RRM2: variants seen among roughly 807,000 people sequenced by gnomAD.
RRM2 encodes ribonucleotide reductase regulatory subunit M2, also known as ribonucleoside-diphosphate reductase subunit M2.
RRM2 carries 6 observed loss-of-function variants against 45.9 expected under a neutral mutation model. The ratio of observed to expected loss-of-function variants is 0.13; its 90% confidence interval spans 0.07 to 0.26. RRM2 has a LOEUF of 0.26. Among genes scored for constraint, RRM2 ranks in the 10% least tolerant of loss-of-function variants. The probability of loss-of-function intolerance (pLI) is 1.00; values close to 1 mark genes in which losing one functional copy is unlikely to be tolerated. For missense variants in RRM2, 343 were observed against 489.5 expected (o/e 0.70, Z 2.82); for synonymous variants, 177 against 173.0 (o/e 1.02, Z -0.18).
chr2:10,199,833 C>T (rs1356504665), intron 3 of RRM2, among the ~76,000 whole-genome samples: 1 of 139,090 alleles, frequency 7.2e-6, no homozygotes, highest in East Asian at 2.3e-4. Flanking sequence ...GACTAGTTTG[C>T]TTTGCCAGAT....
At chr2:10,181,650 G>T (rs1197674374) in intron 3 of RRM2, among the ~76,000 whole-genome samples, 1 of 150,606 alleles carries the variant, frequency 6.6e-6, no homozygotes, top group African/African-American at 2.4e-5. Context: ...AGTTTTGATT[G>T]TAGGAGTTTA....
chr2:10,207,304 G>T (rs987909560), intron 3 of RRM2, among the ~76,000 whole-genome samples: 2 of 152,042 alleles, frequency 1.3e-5, no homozygotes, highest in African/African-American at 4.8e-5. Flanking sequence ...AGCTGCCACT[G>T]CATTTTGCTC....
intron 3 of RRM2, among the ~76,000 whole-genome samples, chr2:10,144,832 A>G (rs964878193): frequency 1.3e-5 from 2 of 152,212 alleles, no homozygotes; most frequent in Non-Finnish European, 2.9e-5. Context: ...CAAGGAGCTC[A>G]GCCAGCCCCT....
intron 3 of RRM2, among the ~76,000 whole-genome samples, chr2:10,161,375 G>A (rs1572509282): frequency 6.6e-6 from 1 of 152,236 alleles, no homozygotes; most frequent in East Asian, 1.9e-4. Context: ...TTCTTTATTA[G>A]CACAGGTCCA....
chr2:10,167,599 T>G (rs539063234), intron 3 of RRM2, among the ~76,000 whole-genome samples: 11 of 152,294 alleles, frequency 7.2e-5, no homozygotes. Context: ...GGGAAGGTCC[T>G]CTGTCCCTTG....
chr2:10,196,710 C>T (rs1199370128), intron 3 of RRM2, among the ~76,000 whole-genome samples: 1 of 152,236 alleles, frequency 6.6e-6, no homozygotes, highest in Non-Finnish European at 1.5e-5. Flanking sequence ...AGTGACCGCA[C>T]AGGGCGATGG....
At chr2:10,202,967 CT>C (rs1664594857) in intron 3 of RRM2, among the ~76,000 whole-genome samples, 1 of 152,216 alleles carries the variant, frequency 6.6e-6, no homozygotes, top group Admixed American at 6.5e-5. Flanking sequence ...TCCACCTCCT[CT>C]TTTTCTAAGC....
chr2:10,143,912 C>T (rs543541432), intron 3 of RRM2, among the ~76,000 whole-genome samples: 138 of 152,266 alleles, frequency 9.1e-4, no homozygotes, highest in African/African-American at 2.7e-3. Context: ...GTGATCCGCC[C>T]GCCTTGGCCT....
chr2:10,198,741 G>A (rs974559214), intron 3 of RRM2: 13 of 152,178 alleles, frequency 8.5e-5, no homozygotes, highest in Non-Finnish European at 1.3e-4. Flanking sequence ...GCCGATTGCT[G>A]TCAGGAGCAC....
rs974276748 is a variant in RRM2 at position 10,127,932 on chromosome 2, C to T, written c.798+712C>T. ...CTGTAATCCCAGCACTTTGGTAGGC[C>T]GAGGCGGGTGGATCATGAGGTCAGG... On this transcript the variant is annotated intron_variant, in intron 7 of 9. Transcript: ENST00000304567. The surrounding 1 kb of genome is among the most constrained non-coding windows in gnomAD (Gnocchi z 4.1). 4.0e-5 allele frequency among the ~76,000 whole-genome samples: 6 copies of T among 151,468 alleles called. No individual in the cohort carries two copies. The East Asian group carries it at 5.9e-4, about 15-fold the overall frequency.
intron 3 of RRM2, among the ~76,000 whole-genome samples, chr2:10,174,389 C>G (rs1162453885): frequency 6.6e-6 from 1 of 152,150 alleles, no homozygotes; most frequent in African/African-American, 2.4e-5. Flanking sequence ...CATGCTGGCC[C>G]CTCACCAGCC....
At chr2:10,183,492 A>G (rs1396021221) in intron 3 of RRM2, among the ~76,000 whole-genome samples, 1 of 152,200 alleles carries the variant, frequency 6.6e-6, no homozygotes, top group Non-Finnish European at 1.5e-5. Context: ...CTCCATGGCA[A>G]GGTCATTTTC....
At position 10,171,296 on chromosome 2, in the gene RRM2, C is replaced by T. The variant is rs575706975; in HGVS notation, n.482+28921C>T. 6.6e-6 allele frequency among the ~76,000 whole-genome samples: 1 copy of T among 152,334 alleles called. No homozygotes were observed. The highest frequency in any genetic ancestry group is 2.4e-5 in the African/African-American group (1 of 41,584). ...GAGATAAGACAAACACAGAGCAACT[C>T]CTTGCTAACAGCCATGCAGTACCAA... On this transcript the variant is annotated intron_variant and non_coding_transcript_variant, in intron 3 of 3. Coordinates refer to the RRM2 transcript ENST00000381786. The surrounding 1 kb of genome is among the most constrained non-coding windows in gnomAD (Gnocchi z 4.1).
intron 3 of RRM2, among the ~76,000 whole-genome samples, chr2:10,209,212 C>G (rs1664716297): frequency 6.6e-6 from 1 of 152,026 alleles, no homozygotes; most frequent in Non-Finnish European, 1.5e-5. Flanking sequence ...CATGCACCAC[C>G]ACGCATGGCT....
At chr2:10,206,450 G>C (rs1664667488) in intron 3 of RRM2, among the ~76,000 whole-genome samples, 1 of 152,156 alleles carries the variant, frequency 6.6e-6, no homozygotes, top group Admixed American at 6.5e-5. Context: ...GGAATGTATA[G>C]CTTGGATACT....
chr2:10,136,869 G>A (rs1201330872), upstream of RRM2, among the ~76,000 whole-genome samples: 1 of 152,158 alleles, frequency 6.6e-6, no homozygotes, highest in Non-Finnish European at 1.5e-5. Flanking sequence ...TGGGGGTGAG[G>A]GGTGGGTAGA....
downstream of RRM2, among the ~76,000 whole-genome samples, chr2:10,136,181 C>T (rs151165137): frequency 5.9e-5 from 9 of 152,262 alleles, no homozygotes; most frequent in East Asian, 1.7e-3. Flanking sequence ...AATGACTGCT[C>T]ACAAGTGAAT....
chr2:10,156,859 G>A (rs1393182892), intron 3 of RRM2, among the ~76,000 whole-genome samples: 3 of 151,992 alleles, frequency 2.0e-5, no homozygotes, highest in African/African-American at 7.2e-5. Flanking sequence ...GGCTGGTCTT[G>A]AACAACCAGG....
At chr2:10,136,156 G>A (rs1662986430), downstream of RRM2, among the ~76,000 whole-genome samples, 1 of 152,196 alleles carries the variant, frequency 6.6e-6, no homozygotes, top group Non-Finnish European at 1.5e-5. Context: ...GCCTGGATGG[G>A]GTAGGGTGTG....
Sources: allele counts gnomAD v4.1 joint callset (sites outside exome capture counted in the v4.1 genomes callset), GRCh38; gene constraint gnomAD v4.1.1; non-coding constraint Gnocchi (gnomAD v3.1); transcripts MANE v1.5; gene names NCBI Gene and HGNC (gene_info 2026-07-23, HGNC 2026-07-21).